Variants in UBL3 observed in about 807,000 individuals in gnomAD.
UBL3 encodes the protein ubiquitin-like protein 3.
Under a neutral mutation model 18.4 loss-of-function variants are expected in UBL3, and 6 were observed. The observed-to-expected ratio is 0.33, with a 90% CI of 0.18 to 0.64. The LOEUF is 0.64. UBL3 is among the 30% of genes least tolerant of loss of function. UBL3 has a pLI of 0.76. For missense variants in UBL3, 109 were observed against 142.9 expected (o/e 0.76, Z 1.21); for synonymous variants, 49 against 46.6 (o/e 1.05, Z -0.21).
intron 2 of UBL3, among the ~76,000 whole-genome samples, chr13:29,774,951 G>A (rs143229315): frequency 2.6e-5 from 4 of 152,198 alleles, no homozygotes; most frequent in Admixed American, 6.5e-5. Flanking sequence ...TTGTTAGGAG[G>A]CTAATGAGAT....
Position 29,849,814 on chromosome 13 carries a change from G to A in UBL3, c.-276C>T, listed in dbSNP as rs1879323809. The stretch of plus-strand genomic sequence containing the variant: ...GTCGTCGTCGTCGTCAACAGCAGCA[G>A]CAGCCCCAGGACCGGCCGCGCCAGG... On this transcript the variant is annotated 5_prime_UTR_variant, in exon 1 of 5. Transcript: ENST00000380680. 1.2e-5 allele frequency: 7 copies of A among 566,486 alleles called. No individual in the cohort carries two copies. Among genetic ancestry groups the A allele is most frequent in the South Asian group, 8.1e-5 (4 of 49,172 alleles). The allele number at this position is 566,486 out of a possible 1,614,324, so 35.1% of individuals were successfully genotyped here.
intron 3 of UBL3, among the ~76,000 whole-genome samples, 157 bp downstream of exon 3, chr13:29,771,955 T>C (rs1456847755): frequency 6.6e-6 from 1 of 152,154 alleles, no homozygotes; most frequent in East Asian, 1.9e-4. Context: ...TTTAACAGAA[T>C]ATACAATGTG....
Position 29,835,144 on chromosome 13 carries a change from AT to A in UBL3, c.27+14367del, listed in dbSNP as rs1878917241. ...TATATAAATATATATATATATATAT[AT>A]ATATATATATATATATATATATATA... is the stretch of plus-strand genomic sequence containing the variant. On this transcript the variant is annotated intron_variant, in intron 1 of 4. Transcript: ENST00000380680. Among the ~76,000 whole-genome samples, 9 of 15,022 alleles carry A rather than the reference AT, an allele frequency of 6.0e-4. 1 individual carries two copies. The highest frequency in any genetic ancestry group is 2.2e-3 in the East Asian group (1 of 454). The allele number at this position is 15,022 out of a possible 152,430, so 9.9% of individuals were successfully genotyped here. A position where few individuals can be genotyped will look rare whatever the true frequency, so the allele number is the denominator to read the frequency against.
chr13:29,829,411 G>A (rs991597122), intron 1 of UBL3, among the ~76,000 whole-genome samples: 9 of 152,208 alleles, frequency 5.9e-5, no homozygotes, highest in African/African-American at 1.4e-4. Context: ...CCCCAGCCTC[G>A]CTGCTGCCTT....
intron 1 of UBL3, among the ~76,000 whole-genome samples, chr13:29,841,894 A>G (rs1879109958): frequency 6.6e-6 from 1 of 152,178 alleles, no homozygotes. Flanking sequence ...ACAGGTAAAA[A>G]GTTTTTCCTA....
intron 1 of UBL3, among the ~76,000 whole-genome samples, chr13:29,818,311 A>G (rs1214373246): frequency 6.6e-6 from 1 of 152,214 alleles, no homozygotes; most frequent in African/African-American, 2.4e-5. Flanking sequence ...TCAGGAAGAG[A>G]AAGTTAATAT....
chr13:29,793,036 T>C (rs1219981228), intron 1 of UBL3, among the ~76,000 whole-genome samples: 1 of 152,106 alleles, frequency 6.6e-6, no homozygotes, highest in African/African-American at 2.4e-5. Flanking sequence ...TTAGAGAATA[T>C]AAATCTAGCA....
chr13:29,816,576 T>C (rs1245715378), intron 1 of UBL3, among the ~76,000 whole-genome samples: 5 of 150,630 alleles, frequency 3.3e-5, no homozygotes, highest in Non-Finnish European at 5.9e-5. Flanking sequence ...CCGGGCAACA[T>C]GGTGAGATTT....
chr13:29,846,512 CA>C (rs1879231404), intron 1 of UBL3, among the ~76,000 whole-genome samples: 1 of 151,904 alleles, frequency 6.6e-6, no homozygotes, highest in Non-Finnish European at 1.5e-5. Context: ...ACTGGATGTT[CA>C]AAAATAAATT....
intron 2 of UBL3, among the ~76,000 whole-genome samples, chr13:29,774,129 T>C (rs971751018): frequency 2.0e-5 from 3 of 152,258 alleles, no homozygotes; most frequent in Non-Finnish European, 2.9e-5. Flanking sequence ...CAAAATCTTT[T>C]TTTTGAAAAT....
rs1246831466 is a variant in UBL3 at position 29,765,911 on chromosome 13, C to T, written c.*1344G>A. The T allele has an allele frequency of 2.6e-5, 4 of 152,466 alleles. No individual in the cohort carries two copies. Among genetic ancestry groups the T allele is most frequent in the Admixed American group, 2.0e-4 (3 of 15,256 alleles). The allele number at this position is 152,466 out of a possible 1,614,324, so 9.4% of individuals were successfully genotyped here. On this transcript the variant is annotated 3_prime_UTR_variant, in exon 5 of 5. Coordinates refer to ENST00000380680, the MANE Select transcript of UBL3 (RefSeq NM_007106.4). Reference sequence around the variant, plus strand: ...TACAGAATGTAATGTCAGCCTGCAACTTCATTTTTATAAAGGCTAAACTTA... The same window carrying T: ...TACAGAATGTAATGTCAGCCTGCAATTTCATTTTTATAAAGGCTAAACTTA...
chr13:29,803,334 A>C (rs933503494), intron 1 of UBL3, among the ~76,000 whole-genome samples: 4 of 152,134 alleles, frequency 2.6e-5, no homozygotes, highest in Non-Finnish European at 4.4e-5. Context: ...CTAAAAAAAC[A>C]AAAGTACACA....
intron 1 of UBL3, among the ~76,000 whole-genome samples, chr13:29,795,928 A>G (rs141047381): frequency 1.7e-4 from 26 of 150,610 alleles, no homozygotes; most frequent in African/African-American, 5.1e-4. Flanking sequence ...GAAGACTTTG[A>G]TCTCTCTTTT....
intron 1 of UBL3, among the ~76,000 whole-genome samples, chr13:29,778,914 G>GT (rs1454062742): frequency 2.0e-5 from 3 of 152,106 alleles, no homozygotes; most frequent in Non-Finnish European, 2.9e-5. Flanking sequence ...TCAATTAAAA[G>GT]TTTTTTAGAA....
chr13:29,816,688 A>C (rs547729760), intron 1 of UBL3, among the ~76,000 whole-genome samples: 4 of 136,950 alleles, frequency 2.9e-5, no homozygotes, highest in African/African-American at 1.1e-4. Context: ...CCATGAGTTC[A>C]TGGTTGCAGT....
chr13:29,843,106 C>G (rs1456821564), intron 1 of UBL3, among the ~76,000 whole-genome samples: 1 of 152,256 alleles, frequency 6.6e-6, no homozygotes, highest in South Asian at 2.1e-4. Context: ...CTATCAAACA[C>G]AAGAAGTTAA....
chr13:29,832,207 A>C (rs1338317956), intron 1 of UBL3, among the ~76,000 whole-genome samples: 3 of 152,218 alleles, frequency 2.0e-5, no homozygotes, highest in African/African-American at 7.2e-5. Flanking sequence ...TAGTGGGAGA[A>C]ACACATAAAA....
chr13:29,774,490 G>A (rs1876929586), intron 2 of UBL3, among the ~76,000 whole-genome samples: 1 of 151,950 alleles, frequency 6.6e-6, no homozygotes. Context: ...TTTTCATACT[G>A]ATAGTTATCT....
intron 1 of UBL3, among the ~76,000 whole-genome samples, chr13:29,842,411 G>A (rs550522606): frequency 2.0e-5 from 3 of 152,030 alleles, no homozygotes; most frequent in African/African-American, 2.4e-5. Context: ...CACCCACCTC[G>A]GCCTCCCAAA....
Sources: gnomAD v4.1 joint callset for allele counts (sites outside exome capture counted in the v4.1 genomes callset) on GRCh38, gnomAD v4.1.1 for gene constraint, MANE v1.5 for transcripts, NCBI Gene and HGNC (gene_info 2026-07-23, HGNC 2026-07-21) for gene names.